Variants in FNDC3B observed in about 807,000 individuals in gnomAD.
FNDC3B encodes the protein fibronectin type III domain-containing protein 3B.
FNDC3B carries 12 observed loss-of-function variants against 151.5 expected under a neutral mutation model. That is an observed-to-expected ratio of 0.08 (90% CI 0.05 to 0.13). FNDC3B has a LOEUF of 0.13. Among genes scored for constraint, FNDC3B ranks in the 10% least tolerant of loss-of-function variants. The pLI, the probability that FNDC3B is intolerant of heterozygous loss-of-function variation, is 1.00. For missense variants in FNDC3B, 1,214 were observed against 1,505.3 expected, an observed-to-expected ratio of 0.81 and a Z score of 3.20; for synonymous variants, 528 against 549.0, an observed-to-expected ratio of 0.96 and a Z score of 0.54.
chr3:172,112,642 T>A, intron 2 of FNDC3B, 52 bp downstream of exon 2: 1 of 1,155,684 alleles, frequency 8.7e-7, no homozygotes, highest in Non-Finnish European at 1.3e-6. Flanking sequence ...TGGGAAACAG[T>A]AACACAGTAT....
chr3:172,188,693 C>T (rs1242690661), intron 3 of FNDC3B, among the ~76,000 whole-genome samples: 2 of 152,294 alleles, frequency 1.3e-5, no homozygotes, highest in East Asian at 1.9e-4. Context: ...GTGTGAGCCA[C>T]GGCTCCCGGC....
intron 10 of FNDC3B, among the ~76,000 whole-genome samples, chr3:172,310,438 C>T (rs1270366935): frequency 3.9e-5 from 6 of 152,196 alleles, no homozygotes; most frequent in African/African-American, 1.4e-4. Context: ...AAAGGCTTGA[C>T]TGTGCTCCAC....
rs372860242 is a variant in FNDC3B, at chr3:172,211,093, TAC to T, written c.188-15771_188-15770del. Reference sequence around the variant, plus strand: ...AACTTTATGATTTCATATGACAATATACACACACTGAAAAACATAAAACTTTA... The same window carrying T: ...AACTTTATGATTTCATATGACAATATACACACTGAAAAACATAAAACTTTA... On this transcript the variant is annotated intron_variant, in intron 3 of 25. Transcript: ENST00000415807. Among the ~76,000 whole-genome samples, 54 of 152,344 alleles carry T rather than the reference TAC, an allele frequency of 3.5e-4. 1 individual carries two copies. Among genetic ancestry groups the T allele is most frequent in the African/African-American group, 1.3e-3 (54 of 41,588 alleles).
intron 19 of FNDC3B, among the ~76,000 whole-genome samples, 157 bp downstream of exon 19, chr3:172,344,415 ATAT>A (rs1487963540): frequency 2.6e-5 from 4 of 152,162 alleles, no homozygotes; most frequent in Non-Finnish European, 5.9e-5. Flanking sequence ...TTCTGAGTTG[ATAT>A]TGTTGTGATT....
At chr3:172,296,406 G>C (rs1046009210) in intron 8 of FNDC3B, among the ~76,000 whole-genome samples, 10 of 152,206 alleles carry the variant, frequency 6.6e-5, no homozygotes, top group African/African-American at 2.4e-4. Flanking sequence ...AAGAGGGACA[G>C]AGGTTAAGGA....
At chr3:172,282,490 A>G (rs2108819940) in intron 6 of FNDC3B, among the ~76,000 whole-genome samples, 1 of 152,010 alleles carries the variant, frequency 6.6e-6, no homozygotes, top group East Asian at 1.9e-4. Context: ...TTTATTTTTG[A>G]TCTTCTCAGA....
intron 1 of FNDC3B, among the ~76,000 whole-genome samples, chr3:172,058,411 T>G (rs1315381362): frequency 6.6e-6 from 1 of 152,174 alleles, no homozygotes; most frequent in Non-Finnish European, 1.5e-5. Flanking sequence ...TGACTTGGTT[T>G]CTGCTACTGT....
intron 11 of FNDC3B, among the ~76,000 whole-genome samples, chr3:172,319,243 C>G (rs1390377985): frequency 6.6e-6 from 1 of 152,172 alleles, no homozygotes; most frequent in Non-Finnish European, 1.5e-5. Flanking sequence ...ATGGACCAAC[C>G]CCATCCATCC....
At chr3:172,347,947 A>G (rs1420310487) in intron 21 of FNDC3B, among the ~76,000 whole-genome samples, 6 of 152,234 alleles carry the variant, frequency 3.9e-5, no homozygotes, top group Non-Finnish European at 5.9e-5. Context: ...GACAATAACC[A>G]TGGGTTTACT....
Position 172,392,810 on chromosome 3 carries a change from CTT to C in FNDC3B, c.3304-4343_3304-4342del, listed in dbSNP as rs1167627679. Among the ~76,000 whole-genome samples the C allele has an allele frequency of 1.2e-4, 12 of 99,902 alleles. No homozygotes were observed. In the Admixed American group the frequency reaches 1.7e-3, roughly 14 times the overall value. The allele number at this position is 99,902 out of a possible 152,430, so 65.5% of individuals were successfully genotyped here. On this transcript the variant is annotated intron_variant, in intron 25 of 25. Coordinates refer to ENST00000415807, the MANE Select transcript of FNDC3B (RefSeq NM_022763.4). ...GAATGAATTTTTTCTTTTTTTTTTT[CTT>C]TTTTTTTTTTCAGACAGAGAGTATT...
At chr3:172,354,582 G>C (rs917233356) in intron 22 of FNDC3B, among the ~76,000 whole-genome samples, 1 of 151,474 alleles carries the variant, frequency 6.6e-6, no homozygotes, top group African/African-American at 2.4e-5. Context: ...TACACAATTG[G>C]GTATACTGTA....
At chr3:172,186,692 G>T in intron 3 of FNDC3B, 1 of 698,590 alleles carries the variant, frequency 1.4e-6, no homozygotes, top group South Asian at 1.5e-5. Flanking sequence ...TCCCTATCTT[G>T]ATTTTTTGTC....
At chr3:172,268,504 A>G (rs1729029512) in intron 6 of FNDC3B, among the ~76,000 whole-genome samples, 1 of 152,220 alleles carries the variant, frequency 6.6e-6, no homozygotes, top group Non-Finnish European at 1.5e-5. Context: ...CAGCCAAGAT[A>G]ATATGTGACA....
At chr3:172,154,359 G>T (rs1243068651) in intron 3 of FNDC3B, among the ~76,000 whole-genome samples, 3 of 152,120 alleles carry the variant, frequency 2.0e-5, no homozygotes, top group Non-Finnish European at 4.4e-5. Context: ...GGGACTACAG[G>T]TGCGTGCCAC....
chr3:172,263,113 C>T (rs1576851206), intron 6 of FNDC3B, among the ~76,000 whole-genome samples: 2 of 148,264 alleles, frequency 1.3e-5, no homozygotes, highest in African/African-American at 5.0e-5. Context: ...ATATATATGG[C>T]ATTTCTGTGA....
At chr3:172,149,295 A>G (rs1275824239) in intron 3 of FNDC3B, among the ~76,000 whole-genome samples, 1 of 152,166 alleles carries the variant, frequency 6.6e-6, no homozygotes, top group East Asian at 1.9e-4. Context: ...TTTCTCTTCC[A>G]CTTTAAATGA....
intron 1 of FNDC3B, among the ~76,000 whole-genome samples, chr3:172,067,484 G>C (rs1717554593): frequency 6.6e-6 from 1 of 152,056 alleles, no homozygotes; most frequent in South Asian, 2.1e-4. Flanking sequence ...TTACACTTAT[G>C]AATGAAATAC....
Position 172,148,025 on chromosome 3 carries a change from C to T in FNDC3B, c.187+14479C>T, listed in dbSNP as rs111657472. Among the ~76,000 whole-genome samples, 1,148 of 151,800 alleles carry T rather than the reference C, an allele frequency of 7.6e-3. 15 individuals carry two copies. The highest frequency in any genetic ancestry group is 0.024 in the African/African-American group (1,005 of 41,394). Reference sequence around the variant, plus strand: ...GTTTTAATGAATTGAGGTTTGAACCCGGGACTCTAATTTTCAAAGGATTTG... The same window carrying T: ...GTTTTAATGAATTGAGGTTTGAACCTGGGACTCTAATTTTCAAAGGATTTG... On this transcript the variant is annotated intron_variant, in intron 3 of 25. Transcript: ENST00000415807.
intron 3 of FNDC3B, among the ~76,000 whole-genome samples, chr3:172,177,624 A>ATTTTTTTTTTTTTTTTTTTTT (rs1211143726): frequency 3.6e-5 from 2 of 55,674 alleles, no homozygotes; most frequent in African/African-American, 1.5e-4. Flanking sequence ...TTTTACCACC[A>ATTTTTTTTTTTTTTTTTTTTT]TCTTTTTTTT....
Sources: allele counts gnomAD v4.1 joint callset (sites outside exome capture counted in the v4.1 genomes callset), GRCh38; gene constraint gnomAD v4.1.1; transcripts MANE v1.5; gene names NCBI Gene and HGNC (gene_info 2026-07-23, HGNC 2026-07-21).